PRLR: variants seen among roughly 807,000 people sequenced by gnomAD.
PRLR encodes hPRL receptor.
Under a neutral mutation model 40.2 loss-of-function variants are expected in PRLR, and 13 were observed. That is an observed-to-expected ratio of 0.32 (90% CI 0.21 to 0.51). The LOEUF is 0.51. Ranked by LOEUF, PRLR falls within the 20% of genes least tolerant of loss-of-function variation. The pLI, the probability that PRLR is intolerant of heterozygous loss-of-function variation, is 0.97. For missense variants in PRLR, 656 were observed against 747.3 expected (o/e 0.88, Z 1.42); for synonymous variants, 269 against 278.7 (o/e 0.97, Z 0.35).
chr5:35,057,163 G>A lies in PRLR; in HGVS notation c.*7926C>T, dbSNP rs1462328917. On this transcript the variant is annotated 3_prime_UTR_variant, in exon 10 of 10. Transcript: ENST00000618457. ...CTCTTATTGGATCTCCTTGTATCTGGTTCCATCTCCCCTCATTTTTCTCAG... is the reference window on the plus strand; with the variant it reads ...CTCTTATTGGATCTCCTTGTATCTGATTCCATCTCCCCTCATTTTTCTCAG... 5 of 152,022 alleles carry A rather than the reference G, an allele frequency of 3.3e-5. No individual in the cohort carries two copies. The highest frequency in any genetic ancestry group is 4.8e-5 in the African/African-American group (2 of 41,378). The allele number at this position is 152,022 out of a possible 1,614,324, so 9.4% of individuals were successfully genotyped here.
chr5:35,171,405 C>G (rs1056400865), intron 1 of PRLR, among the ~76,000 whole-genome samples: 4 of 152,152 alleles, frequency 2.6e-5, no homozygotes, highest in African/African-American at 9.7e-5. Context: ...GCTAATGGCT[C>G]CTACAGAGTG....
At chr5:35,099,284 C>G (rs1579641846) in intron 2 of PRLR, among the ~76,000 whole-genome samples, 1 of 152,202 alleles carries the variant, frequency 6.6e-6, no homozygotes, top group East Asian at 1.9e-4. Flanking sequence ...TGGTGGTGGT[C>G]CTATAAGATG....
rs1346583336 is a variant in PRLR at position 35,061,819 on chromosome 5, A to G, written c.*3270T>C. ...GTAAGGATACATGAGCCAACTGTGC[A>G]ATGGTTGTTAACAATCTAGGATGGT... On this transcript the variant is annotated 3_prime_UTR_variant, in exon 10 of 10. Coordinates refer to ENST00000618457, the MANE Select transcript of PRLR (RefSeq NM_000949.7). 1 of 152,204 alleles carries G rather than the reference A, an allele frequency of 6.6e-6. No homozygotes were observed. The highest frequency in any genetic ancestry group is 1.9e-4 in the East Asian group (1 of 5,192). The allele number at this position is 152,204 out of a possible 1,614,324, so 9.4% of individuals were successfully genotyped here. A position where few individuals can be genotyped will look rare whatever the true frequency, so the allele number is the denominator to read the frequency against.
In PRLR at chr5:35,157,933, C is replaced by T. The variant is rs993463726; in HGVS notation, c.-105-39811G>A. On this transcript the variant is annotated intron_variant, in intron 1 of 9. Coordinates refer to ENST00000618457, the MANE Select transcript of PRLR (RefSeq NM_000949.7). Reference sequence around the variant, plus strand: ...TCAATTAATACATTAAAAATTTGTTCCTTTCTTGCTGTGTTCTAACCATGG... The same window carrying T: ...TCAATTAATACATTAAAAATTTGTTTCTTTCTTGCTGTGTTCTAACCATGG... Among the ~76,000 whole-genome samples the T allele has an allele frequency of 5.9e-5, 9 of 152,236 alleles. No individual in the cohort carries two copies. The East Asian group carries it at 1.7e-3, about 29-fold the overall frequency.
chr5:35,084,682 A>G (rs2112456557), intron 4 of PRLR, 43 bp from the exon 5 acceptor site: 1 of 1,567,414 alleles, frequency 6.4e-7, no homozygotes, highest in Non-Finnish European at 8.7e-7. Context: ...AAAGTAATAA[A>G]GAGAGTCTAG....
At chr5:35,151,159 T>A (rs529201943) in intron 1 of PRLR, among the ~76,000 whole-genome samples, 56 of 152,326 alleles carry the variant, frequency 3.7e-4, no homozygotes, top group Middle Eastern at 3.4e-3. Context: ...AATTTGGGCA[T>A]GGCTATGTGA....
downstream of PRLR, among the ~76,000 whole-genome samples, chr5:35,053,615 G>A (rs1768582866): frequency 6.6e-6 from 1 of 152,088 alleles, no homozygotes; most frequent in Non-Finnish European, 1.5e-5. Flanking sequence ...ACCTAGGGAT[G>A]AATCTAATAA....
rs1768900873 is a variant in PRLR at position 35,059,334 on chromosome 5, C to T, written c.*5755G>A. 2 of 152,202 alleles carry T rather than the reference C, an allele frequency of 1.3e-5. No homozygotes were observed. Among genetic ancestry groups the T allele is most frequent in the African/African-American group, 2.4e-5 (1 of 41,546 alleles). 9.4% of individuals were successfully genotyped at this position (152,202 alleles called of 1,614,324 possible). ...AGGATAGGTTTTTCCTATTTTGAGA[C>T]TTTACATGTCTCAGTACTTTCTAAA... On this transcript the variant is annotated 3_prime_UTR_variant, in exon 10 of 10. Transcript: ENST00000618457.
At chr5:35,086,712 A>C (rs1770876558) in intron 3 of PRLR, among the ~76,000 whole-genome samples, 1 of 151,942 alleles carries the variant, frequency 6.6e-6, no homozygotes, top group Non-Finnish European at 1.5e-5. Flanking sequence ...CCCTTTTGTA[A>C]TCCCACAAGG....
At chr5:35,094,535 G>A (rs1771413206) in intron 2 of PRLR, among the ~76,000 whole-genome samples, 1 of 152,036 alleles carries the variant, frequency 6.6e-6, no homozygotes, top group Admixed American at 6.5e-5. Context: ...GAAGCCCTGT[G>A]CATTTCATAA....
At position 35,062,585 on chromosome 5, in the gene PRLR, T is replaced by G. The variant is rs1769108659; in HGVS notation, c.*2504A>C. ...TAGCTGTCACATTTTTTCATACGTA[T>G]TATACAAAATTATATGTCAAAAGCA... On this transcript the variant is annotated 3_prime_UTR_variant, in exon 10 of 10. Coordinates refer to ENST00000618457, the MANE Select transcript of PRLR (RefSeq NM_000949.7). 3 of 152,202 alleles carry G rather than the reference T, an allele frequency of 2.0e-5. No individual in the cohort carries two copies. The highest frequency in any genetic ancestry group is 2.1e-4 in the South Asian group (1 of 4,834). The allele number at this position is 152,202 out of a possible 1,614,324, so 9.4% of individuals were successfully genotyped here.
At chr5:35,048,764 C>T (rs548800258) in exon 9 of PRLR, 2 of 199,972 alleles carry the variant, frequency 1.0e-5, no homozygotes, top group Non-Finnish European at 1.1e-5. Flanking sequence ...CAGTTAGAAC[C>T]ATGTTTTTAA....
intron 2 of PRLR, among the ~76,000 whole-genome samples, chr5:35,110,468 A>G (rs1428240680): frequency 6.6e-6 from 1 of 152,114 alleles, no homozygotes. Context: ...GCATCTTTGT[A>G]TTTGCCCTCA....
intron 2 of PRLR, among the ~76,000 whole-genome samples, chr5:35,101,780 T>C (rs1771894533): frequency 6.7e-6 from 1 of 148,358 alleles, no homozygotes; most frequent in Non-Finnish European, 1.5e-5. Context: ...ATATACCTTA[T>C]AAAACATATA....
At chr5:35,191,698 C>A (rs1196241744) in intron 1 of PRLR, among the ~76,000 whole-genome samples, 1 of 152,212 alleles carries the variant, frequency 6.6e-6, no homozygotes, top group Non-Finnish European at 1.5e-5. Context: ...CTGGTTAGCA[C>A]TCAAATAACA....
At position 35,152,823 on chromosome 5, in the gene PRLR, T is replaced by C. The variant is rs551745183; in HGVS notation, c.-105-34701A>G. The C allele has an allele frequency of 2.6e-5, 4 of 152,296 alleles. No individual in the cohort carries two copies. The South Asian group carries it at 8.3e-4, about 32-fold the overall frequency. The allele number at this position is 152,296 out of a possible 1,614,324, so 9.4% of individuals were successfully genotyped here. ...GACAGTGATATACATGATCATTTCA[T>C]GTCATTTATTTCTCACTCACAGCAA... On this transcript the variant is annotated intron_variant, in intron 1 of 9. Transcript: ENST00000618457.
intron 1 of PRLR, among the ~76,000 whole-genome samples, chr5:35,190,154 A>G (rs1775561729): frequency 6.6e-6 from 1 of 152,188 alleles, no homozygotes; most frequent in Non-Finnish European, 1.5e-5. Flanking sequence ...GTACTTTGTT[A>G]TGGCAGCCCC....
chr5:35,170,606 A>T (rs1001963924), intron 1 of PRLR, among the ~76,000 whole-genome samples: 5 of 152,250 alleles, frequency 3.3e-5, no homozygotes, highest in African/African-American at 1.2e-4. Flanking sequence ...TTGAGGCTGC[A>T]GTCAGCTATG....
intron 1 of PRLR, among the ~76,000 whole-genome samples, chr5:35,217,564 C>T (rs1440455903): frequency 2.0e-5 from 3 of 152,152 alleles, no homozygotes; most frequent in Non-Finnish European, 4.4e-5. Context: ...ACAGTCATAG[C>T]ATCTTGCGTG....
Sources: gnomAD v4.1 joint callset for allele counts (sites outside exome capture counted in the v4.1 genomes callset) on GRCh38, gnomAD v4.1.1 for gene constraint, MANE v1.5 for transcripts, NCBI Gene and HGNC (gene_info 2026-07-23, HGNC 2026-07-21) for gene names.